Variants in SLC26A5 observed in about 807,000 individuals in gnomAD.
The protein encoded by SLC26A5 is prestin.
In SLC26A5, 51 loss-of-function variants were observed where a neutral mutation model predicts 81.0. That is an observed-to-expected ratio of 0.63 (90% CI 0.50 to 0.80). SLC26A5 has a LOEUF of 0.80. Among genes scored for constraint, SLC26A5 ranks in the 30% least tolerant of loss-of-function variants. The pLI, the probability that SLC26A5 is intolerant of heterozygous loss-of-function variation, is 0.00. For missense variants in SLC26A5, 771 were observed against 905.8 expected (o/e 0.85, Z 1.91); for synonymous variants, 325 against 332.8 (o/e 0.98, Z 0.25).
At chr7:103,408,213 T>G (rs1824209658) in intron 7 of SLC26A5, among the ~76,000 whole-genome samples, 1 of 152,176 alleles carries the variant, frequency 6.6e-6, no homozygotes, top group Non-Finnish European at 1.5e-5. Context: ...CTTTTCTTTT[T>G]ATAGTTGTTA....
rs538403659 is a variant in SLC26A5, at chr7:103,353,005, A to G, written c.2042-79T>C. The G allele has an allele frequency of 3.3e-4, 258 of 777,870 alleles. 2 individuals carry two copies. The East Asian group carries it at 6.2e-3, about 19-fold the overall frequency. 48.2% of individuals were successfully genotyped at this position (777,870 alleles called of 1,614,324 possible). A position where few individuals can be genotyped will look rare whatever the true frequency, so the allele number is the denominator to read the frequency against. The stretch of plus-strand genomic sequence containing the variant: ...CCACTCTGTCTATTTGCAAATGACC[A>G]TGAAAGCACATGAGTATTGATTTGG... On this transcript the variant is annotated intron_variant, in intron 19 of 19. Coordinates refer to the SLC26A5 transcript ENST00000339444.
chr7:103,440,026 C>T (rs79452889), intron 2 of SLC26A5, among the ~76,000 whole-genome samples: 423 of 152,296 alleles, frequency 2.8e-3, no homozygotes, highest in African/African-American at 9.9e-3. Context: ...ACACCTCTAC[C>T]ATCTTCTTTC....
At chr7:103,432,793 G>A (rs550201750) in intron 2 of SLC26A5, among the ~76,000 whole-genome samples, 1 of 152,028 alleles carries the variant, frequency 6.6e-6, no homozygotes, top group East Asian at 1.9e-4. Context: ...TTCTGTGGAT[G>A]TTCCATGTAC....
chr7:103,355,669 A>C, intron 19 of SLC26A5: 1 of 1,563,400 alleles, frequency 6.4e-7, no homozygotes, highest in Non-Finnish European at 8.8e-7. Context: ...CATTTTAGTA[A>C]ATTTTGTCAT....
At chr7:103,416,589 T>C (rs1407857203) in intron 4 of SLC26A5, among the ~76,000 whole-genome samples, 1 of 152,216 alleles carries the variant, frequency 6.6e-6, no homozygotes, top group Non-Finnish European at 1.5e-5. Flanking sequence ...TTTTAGCCTT[T>C]TGCCTGACTT....
At chr7:103,427,388 T>A (rs1490638088) in intron 2 of SLC26A5, among the ~76,000 whole-genome samples, 1 of 152,020 alleles carries the variant, frequency 6.6e-6, no homozygotes, top group Non-Finnish European at 1.5e-5. Flanking sequence ...TCATCATAGA[T>A]TTTAAAATCT....
At chr7:103,388,836 G>T in intron 14 of SLC26A5, 172 bp downstream of exon 14, 1 of 610,428 alleles carries the variant, frequency 1.6e-6, no homozygotes, top group Non-Finnish European at 3.1e-6. Flanking sequence ...TTTTTAAATT[G>T]GCATTTTGTT....
At chr7:103,385,938 T>C (rs1270126688) in intron 14 of SLC26A5, among the ~76,000 whole-genome samples, 1 of 151,528 alleles carries the variant, frequency 6.6e-6, no homozygotes, top group Non-Finnish European at 1.5e-5. Context: ...TTTCTTTCTT[T>C]TTTTTTTGAG....
intron 12 of SLC26A5, among the ~76,000 whole-genome samples, chr7:103,389,635 T>C (rs576131997): frequency 6.6e-6 from 1 of 152,312 alleles, no homozygotes; most frequent in South Asian, 2.1e-4. Context: ...TCTTTTTTCT[T>C]TTTTTGAGAT....
intron 7 of SLC26A5, 105 bp downstream of exon 7, chr7:103,410,280 T>C (rs1487676721): frequency 9.9e-7 from 1 of 1,010,100 alleles, no homozygotes; most frequent in African/African-American, 1.6e-5. Context: ...TGGAAATTAC[T>C]GGAGAAAAAG....
At chr7:103,418,641 G>C (rs941279118) in intron 4 of SLC26A5, among the ~76,000 whole-genome samples, 1 of 152,146 alleles carries the variant, frequency 6.6e-6, no homozygotes, top group Non-Finnish European at 1.5e-5. Flanking sequence ...CAGTCACTTG[G>C]AAAATAAAAA....
intron 19 of SLC26A5, chr7:103,363,411 G>A (rs760735336): frequency 1.9e-6 from 3 of 1,613,586 alleles, no homozygotes; most frequent in Admixed American, 1.7e-5. Flanking sequence ...GAGAAACTGC[G>A]AGAAGTAGTT....
At chr7:103,434,759 C>A (rs1179882818) in intron 2 of SLC26A5, among the ~76,000 whole-genome samples, 8 of 152,166 alleles carry the variant, frequency 5.3e-5, no homozygotes. Flanking sequence ...TCAAGTGATT[C>A]TCCTGCCTCA....
intron 14 of SLC26A5, among the ~76,000 whole-genome samples, chr7:103,380,997 C>T (rs966884230): frequency 6.6e-5 from 10 of 151,114 alleles, no homozygotes; most frequent in African/African-American, 2.4e-4. Flanking sequence ...CAATACATAC[C>T]CCCACACACA....
intron 4 of SLC26A5, among the ~76,000 whole-genome samples, chr7:103,414,699 A>G (rs966044854): frequency 1.3e-5 from 2 of 152,208 alleles, no homozygotes; most frequent in African/African-American, 4.8e-5. Context: ...AGGTTTGGCA[A>G]TTATGAATAA....
chr7:103,415,483 T>G (rs577153559), intron 4 of SLC26A5, among the ~76,000 whole-genome samples: 138 of 152,316 alleles, frequency 9.1e-4, no homozygotes, highest in Middle Eastern at 6.8e-3. Context: ...TTGATTATCA[T>G]GATGTGGGTA....
At chr7:103,378,943 A>T (rs1006921335) in intron 16 of SLC26A5, among the ~76,000 whole-genome samples, 3 of 152,166 alleles carry the variant, frequency 2.0e-5, no homozygotes, top group African/African-American at 7.2e-5. Context: ...AAGAAACCTA[A>T]AATTATTTTC....
chr7:103,354,595 A>G (rs1352274453), intron 19 of SLC26A5, among the ~76,000 whole-genome samples: 1 of 151,830 alleles, frequency 6.6e-6, no homozygotes, highest in Admixed American at 6.6e-5. Context: ...GTCTTGAATT[A>G]TTGACCTCAG....
chr7:103,393,362 TGTAA>T (rs1158796494), intron 9 of SLC26A5, among the ~76,000 whole-genome samples: 2 of 151,912 alleles, frequency 1.3e-5, no homozygotes, highest in Non-Finnish European at 2.9e-5. Flanking sequence ...TGATGGCAAG[TGTAA>T]GTAAGACACA....
Sources: gnomAD v4.1 joint callset for allele counts (sites outside exome capture counted in the v4.1 genomes callset) on GRCh38, gnomAD v4.1.1 for gene constraint, MANE v1.5 for transcripts, NCBI Gene and HGNC (gene_info 2026-07-23, HGNC 2026-07-21) for gene names.